Variants in RAPGEF2 observed in about 807,000 individuals in gnomAD.
The protein encoded by RAPGEF2 is Rap guanine nucleotide exchange factor 2, also known as PDZ domain containing guanine nucleotide exchange factor (GEF) 1.
In RAPGEF2, 54 loss-of-function variants were observed where a neutral mutation model predicts 186.7. The ratio of observed to expected loss-of-function variants is 0.29; its 90% CI spans 0.23 to 0.36. The LOEUF is 0.36. RAPGEF2 is among the 10% of genes least tolerant of loss of function. RAPGEF2 has a pLI of 1.00. For synonymous variants in RAPGEF2, 712 were observed against 705.9 expected, an observed-to-expected ratio of 1.01 and a Z score of -0.14; for missense variants, 1,532 against 2,045.0, an observed-to-expected ratio of 0.75 and a Z score of 4.84.
chr4:159,284,585 CCT>C (rs1400806929), intron 7 of RAPGEF2, among the ~76,000 whole-genome samples: 4 of 151,730 alleles, frequency 2.6e-5, no homozygotes, highest in African/African-American at 9.7e-5. Flanking sequence ...GTGCCTGACT[CCT>C]CTGGATTTCA....
chr4:159,268,245 G>T (rs775574501), intron 7 of RAPGEF2: 1 of 1,488,918 alleles, frequency 6.7e-7, no homozygotes, highest in South Asian at 1.1e-5. Flanking sequence ...CTTGTGCTTT[G>T]ATAGCACGTC....
At chr4:159,275,459 CAT>C (rs936913006) in intron 7 of RAPGEF2, among the ~76,000 whole-genome samples, 1 of 152,072 alleles carries the variant, frequency 6.6e-6, no homozygotes, top group African/African-American at 2.4e-5. Context: ...TTAAATGAAA[CAT>C]ACCCTCCTTT....
chr4:159,107,080 A>G (rs146977493), intron 1 of RAPGEF2, among the ~76,000 whole-genome samples: 2,383 of 152,302 alleles, frequency 0.016, 63 homozygotes, highest in African/African-American at 0.054. Flanking sequence ...GGAAAACTCT[A>G]ATCCAATGTG....
intron 3 of RAPGEF2, among the ~76,000 whole-genome samples, chr4:159,207,171 C>CT (rs1261954094): frequency 2.6e-5 from 4 of 152,196 alleles, no homozygotes; most frequent in Admixed American, 1.3e-4. Flanking sequence ...AACAGCCTAT[C>CT]TATCAGATAA....
At chr4:159,234,891 T>G (rs565017077) in intron 4 of RAPGEF2, among the ~76,000 whole-genome samples, 1 of 152,064 alleles carries the variant, frequency 6.6e-6, no homozygotes, top group Non-Finnish European at 1.5e-5. Flanking sequence ...TCCTGAGTAG[T>G]TAGGATTACA....
intron 4 of RAPGEF2, among the ~76,000 whole-genome samples, chr4:159,220,029 T>G (rs573970956): frequency 6.6e-6 from 1 of 152,190 alleles, no homozygotes; most frequent in East Asian, 1.9e-4. Context: ...TGCAGGGACA[T>G]TCAGTAATGA....
chr4:159,133,431 T>TTTC (rs1478941332), intron 1 of RAPGEF2, among the ~76,000 whole-genome samples: 1 of 152,028 alleles, frequency 6.6e-6, no homozygotes, highest in Admixed American at 6.6e-5. Flanking sequence ...TTTTTTTTTT[T>TTTC]TTCAGAGTTT....
chr4:159,271,431 A>C (rs1251374001), intron 7 of RAPGEF2, among the ~76,000 whole-genome samples: 2 of 152,216 alleles, frequency 1.3e-5, no homozygotes, highest in Non-Finnish European at 2.9e-5. Context: ...ATAGGGAATA[A>C]ATTGCAGTAG....
chr4:159,296,562 G>A (rs1036096805), intron 7 of RAPGEF2, among the ~76,000 whole-genome samples: 1 of 152,168 alleles, frequency 6.6e-6, no homozygotes, highest in African/African-American at 2.4e-5. Context: ...TTCGCTGTGT[G>A]ATCTTGATGC....
At chr4:159,205,849 A>G (rs187720248) in intron 3 of RAPGEF2, among the ~76,000 whole-genome samples, 30 of 152,186 alleles carry the variant, frequency 2.0e-4, no homozygotes, top group East Asian at 9.6e-4. Context: ...GTAGTTCTTT[A>G]TAGCAGTGTG....
intron 2 of RAPGEF2, among the ~76,000 whole-genome samples, chr4:159,190,008 G>T (rs936521101): frequency 3.3e-5 from 5 of 152,092 alleles, no homozygotes; most frequent in African/African-American, 1.2e-4. Context: ...ATGAGGATGG[G>T]TGCTAGACAG....
chr4:159,180,170 G>A (rs1272986839), intron 1 of RAPGEF2, among the ~76,000 whole-genome samples: 1 of 152,192 alleles, frequency 6.6e-6, no homozygotes, highest in Non-Finnish European at 1.5e-5. Context: ...TTGTTTATGC[G>A]ATCTGTGGTA....
chr4:159,281,203 G>A (rs1759656133), intron 7 of RAPGEF2, among the ~76,000 whole-genome samples: 1 of 151,958 alleles, frequency 6.6e-6, no homozygotes, highest in African/African-American at 2.4e-5. Context: ...TGTTGGCCAA[G>A]ATGGTCTCGC....
chr4:159,230,340 T>C (rs1752498047), intron 4 of RAPGEF2, among the ~76,000 whole-genome samples: 1 of 152,218 alleles, frequency 6.6e-6, no homozygotes, highest in African/African-American at 2.4e-5. Context: ...CAGCTATTCA[T>C]ATGTGTGTGT....
rs1351342826 is a variant in RAPGEF2, at chr4:159,236,620, C to T, written c.282-2189C>T. On this transcript the variant is annotated intron_variant, in intron 4 of 29. Transcript: ENST00000691494. ...CATTTAAAAACGCATAAACATTAGACCACTATATTTATAAACTTGTCCAAG... is the reference window on the plus strand; with the variant it reads ...CATTTAAAAACGCATAAACATTAGATCACTATATTTATAAACTTGTCCAAG... Among the ~76,000 whole-genome samples, 3 of 143,664 alleles carry T rather than the reference C, an allele frequency of 2.1e-5. No homozygotes were observed. In the East Asian group the frequency reaches 5.8e-4, roughly 28 times the overall value. 94.2% of individuals were successfully genotyped at this position (143,664 alleles called of 152,430 possible).
At chr4:159,277,108 G>A (rs1247161105) in intron 7 of RAPGEF2, among the ~76,000 whole-genome samples, 1 of 141,134 alleles carries the variant, frequency 7.1e-6, no homozygotes, top group Admixed American at 7.8e-5. Flanking sequence ...GTTGTGTGAT[G>A]TTCCCTATCC....
intron 4 of RAPGEF2, chr4:159,229,314 T>G (rs1209482459): frequency 6.6e-6 from 1 of 152,148 alleles, no homozygotes; most frequent in Non-Finnish European, 1.5e-5. Flanking sequence ...AAGAAGAATG[T>G]GGAGGCCCAT....
chr4:159,252,574 T>C (rs547149351), intron 7 of RAPGEF2, among the ~76,000 whole-genome samples: 2 of 152,332 alleles, frequency 1.3e-5, no homozygotes, highest in South Asian at 4.1e-4. Flanking sequence ...AGTTTAAAAA[T>C]TACTCTGTAG....
intron 24 of RAPGEF2, among the ~76,000 whole-genome samples, chr4:159,346,487 T>C (rs1042348507): frequency 1.3e-5 from 2 of 152,234 alleles, no homozygotes; most frequent in Non-Finnish European, 2.9e-5. Context: ...TATACATGGA[T>C]ATAACATATT....
Sources: allele counts gnomAD v4.1 joint callset (sites outside exome capture counted in the v4.1 genomes callset), GRCh38; gene constraint gnomAD v4.1.1; transcripts MANE v1.5; gene names NCBI Gene and HGNC (gene_info 2026-07-23, HGNC 2026-07-21).